Variants in CEP128 observed in about 807,000 individuals in gnomAD.
CEP128 encodes centrosomal protein 128kDa.
CEP128 carries 132 observed loss-of-function variants against 156.7 expected under a neutral mutation model. The ratio of observed to expected loss-of-function variants is 0.84; its 90% CI spans 0.73 to 0.97. The LOEUF (loss-of-function observed/expected upper bound fraction) is 0.97. CEP128 is among the 50% of genes least tolerant of loss of function. The pLI, the probability that CEP128 is intolerant of heterozygous loss-of-function variation, is 0.00. For synonymous variants in CEP128, 469 were observed against 448.9 expected, an observed-to-expected ratio of 1.04 and a Z score of -0.57; for missense variants, 1,252 against 1,281.9, an observed-to-expected ratio of 0.98 and a Z score of 0.36.
At chr14:80,760,270 T>C (rs1899893580) in intron 17 of CEP128, among the ~76,000 whole-genome samples, 2 of 151,202 alleles carry the variant, frequency 1.3e-5, no homozygotes, top group South Asian at 4.2e-4. Flanking sequence ...CACTTGAACT[T>C]AAAAAAAAAT....
intron 3 of CEP128, among the ~76,000 whole-genome samples, chr14:80,915,283 A>G (rs533098489): frequency 1.3e-5 from 2 of 152,256 alleles, no homozygotes; most frequent in East Asian, 1.9e-4. Flanking sequence ...CAGCCTCCCA[A>G]AGTGCTAGGA....
rs76959647 is a variant in CEP128 at position 80,871,291 on chromosome 14, G to C, written c.646-8418C>G. On this transcript the variant is annotated intron_variant, in intron 8 of 24. Transcript: ENST00000555265. ...GAAGCACAGATAAAGGCAGGTATGG[G>C]AGCAGAGGGACCAACTTCATTGGAT... Among the ~76,000 whole-genome samples the C allele has an allele frequency of 5.9e-3, 894 of 152,206 alleles. 18 individuals are homozygous for C. The highest frequency in any genetic ancestry group is 0.021 in the African/African-American group (858 of 41,552).
intron 21 of CEP128, among the ~76,000 whole-genome samples, chr14:80,532,483 T>G (rs929223856): frequency 1.3e-5 from 2 of 152,192 alleles, no homozygotes; most frequent in African/African-American, 4.8e-5. Context: ...GCCTCACTGA[T>G]GCAGTTTCCC....
At chr14:80,645,221 T>A (rs1011470762) in intron 19 of CEP128, among the ~76,000 whole-genome samples, 4 of 152,184 alleles carry the variant, frequency 2.6e-5, no homozygotes, top group African/African-American at 7.2e-5. Flanking sequence ...TAAGGGTACA[T>A]TGCCAAATGG....
chr14:80,877,174 ATATAAT>A (rs1322112548), intron 8 of CEP128, among the ~76,000 whole-genome samples: 3 of 152,284 alleles, frequency 2.0e-5, no homozygotes, highest in African/African-American at 7.2e-5. Flanking sequence ...GAATAAAAAG[ATATAAT>A]TAGAAAGCTA....
intron 4 of CEP128, among the ~76,000 whole-genome samples, chr14:80,909,724 G>A (rs1426816817): frequency 1.3e-5 from 2 of 152,100 alleles, no homozygotes; most frequent in East Asian, 3.8e-4. Flanking sequence ...ACTTTAAGTA[G>A]TCACAACACA....
At chr14:80,847,055 T>G (rs553249257) in intron 9 of CEP128, among the ~76,000 whole-genome samples, 2 of 152,234 alleles carry the variant, frequency 1.3e-5, no homozygotes, top group South Asian at 4.1e-4. Context: ...AATTCAAGTA[T>G]CAAGTACAAG....
intron 19 of CEP128, among the ~76,000 whole-genome samples, chr14:80,710,067 A>C (rs1225639675): frequency 1.3e-5 from 2 of 151,930 alleles, no homozygotes; most frequent in Non-Finnish European, 2.9e-5. Context: ...GGATATGAGG[A>C]TATGAGGATA....
intron 19 of CEP128, among the ~76,000 whole-genome samples, chr14:80,620,824 C>T (rs1267774363): frequency 6.6e-6 from 1 of 152,130 alleles, no homozygotes; most frequent in Non-Finnish European, 1.5e-5. Context: ...TTAAGAGTGC[C>T]TACTAAAATC....
chr14:80,852,380 A>G (rs1886934632), intron 9 of CEP128, among the ~76,000 whole-genome samples: 1 of 151,982 alleles, frequency 6.6e-6, no homozygotes, highest in Admixed American at 6.6e-5. Context: ...CCATAAAAGT[A>G]TAACAAAGCA....
intron 19 of CEP128, among the ~76,000 whole-genome samples, chr14:80,692,824 T>C (rs769194281): frequency 6.6e-6 from 1 of 152,202 alleles, no homozygotes; most frequent in African/African-American, 2.4e-5. Flanking sequence ...TTCCTTTAGA[T>C]AGAGAAAGTT....
intron 19 of CEP128, 91 bp from the exon 20 acceptor site, chr14:80,580,514 A>G: frequency 1.3e-6 from 1 of 749,306 alleles, no homozygotes; most frequent in South Asian, 1.7e-5. Flanking sequence ...TAGCTTGTAT[A>G]AACTGTTGCC....
chr14:80,642,221 G>A (rs913952300), intron 19 of CEP128, among the ~76,000 whole-genome samples: 9 of 152,146 alleles, frequency 5.9e-5, no homozygotes, highest in Non-Finnish European at 1.2e-4. Flanking sequence ...TCTGAAAGAT[G>A]GAGGAGACAC....
At chr14:80,943,241 A>G (rs757715300), upstream of CEP128, among the ~76,000 whole-genome samples, 2 of 152,276 alleles carry the variant, frequency 1.3e-5, no homozygotes, top group African/African-American at 2.4e-5. Flanking sequence ...AATAAACAAC[A>G]TAGACTTTGC....
chr14:80,806,262 A>G (rs1381494974), intron 13 of CEP128, among the ~76,000 whole-genome samples: 1 of 152,220 alleles, frequency 6.6e-6, no homozygotes, highest in East Asian at 1.9e-4. Flanking sequence ...TTAATAAAAC[A>G]TGATACTAAA....
chr14:80,905,899 T>A lies in CEP128; in HGVS notation c.361+56A>T. The A allele has an allele frequency of 1.9e-6, 3 of 1,564,476 alleles. No homozygotes were observed. The African/African-American group carries it at 4.1e-5, about 21-fold the overall frequency. Reference sequence around the variant, plus strand: ...ATATTTCTCCAAAAATTAAATGTATTCAATATCTACTTCAAAAATATTTTT... The same window carrying A: ...ATATTTCTCCAAAAATTAAATGTATACAATATCTACTTCAAAAATATTTTT... On this transcript the variant is annotated intron_variant, in intron 5 of 24. Transcript: ENST00000555265.
chr14:80,797,587 C>A (rs34248185), intron 13 of CEP128, among the ~76,000 whole-genome samples: 2 of 152,058 alleles, frequency 1.3e-5, no homozygotes, highest in African/African-American at 4.8e-5. Flanking sequence ...GCCATTGTTT[C>A]GGCATTTCTT....
intron 9 of CEP128, among the ~76,000 whole-genome samples, chr14:80,849,201 A>G (rs1029589130): frequency 1.2e-4 from 18 of 152,242 alleles, no homozygotes; most frequent in African/African-American, 4.3e-4. Flanking sequence ...AATATAAAAC[A>G]AATTATTTTA....
At chr14:80,543,464 T>C (rs1348029085) in intron 21 of CEP128, among the ~76,000 whole-genome samples, 1 of 152,228 alleles carries the variant, frequency 6.6e-6, no homozygotes, top group Non-Finnish European at 1.5e-5. Flanking sequence ...ATGTTTGAGA[T>C]GCTCTATTAG....
Sources: gnomAD v4.1 joint callset for allele counts (sites outside exome capture counted in the v4.1 genomes callset) on GRCh38, gnomAD v4.1.1 for gene constraint, MANE v1.5 for transcripts, NCBI Gene and HGNC (gene_info 2026-07-23, HGNC 2026-07-21) for gene names.